SH3PXD2A: variants seen among roughly 807,000 people sequenced by gnomAD.
SH3PXD2A encodes SH3 and PX domains 2A.
A neutral mutation model predicts 115.2 loss-of-function variants in SH3PXD2A; 32 were observed. The ratio of observed to expected loss-of-function variants is 0.28; its 90% CI spans 0.21 to 0.37. The LOEUF (loss-of-function observed/expected upper bound fraction) is 0.37. Ranked by LOEUF, SH3PXD2A falls within the 10% of genes least tolerant of loss-of-function variation. The pLI is 1.00. For synonymous variants in SH3PXD2A, 610 were observed against 629.1 expected, an observed-to-expected ratio of 0.97 and a Z score of 0.45; for missense variants, 1,328 against 1,498.7, an observed-to-expected ratio of 0.89 and a Z score of 1.88.
rs779355375 is a variant in SH3PXD2A at position 103,595,853 on chromosome 10, C to T, written c.*5963G>A. Reference sequence around the variant, plus strand: ...CCCAGTCTGTAAGCACCAGTGTGCCCACCTTATGGCCTGGGGACCCAGGTT... The same window carrying T: ...CCCAGTCTGTAAGCACCAGTGTGCCTACCTTATGGCCTGGGGACCCAGGTT... On this transcript the variant is annotated 3_prime_UTR_variant, in exon 15 of 15. Coordinates refer to ENST00000369774, the MANE Select transcript of SH3PXD2A (RefSeq NM_001394015.1). The T allele has an allele frequency of 6.6e-6, 1 of 152,628 alleles. No individual in the cohort carries two copies. Among genetic ancestry groups the T allele is most frequent in the Non-Finnish European group, 1.5e-5 (1 of 68,056 alleles). The allele number at this position is 152,628 out of a possible 1,614,324, so 9.5% of individuals were successfully genotyped here.
chr10:103,769,434 T>TTTCTTC lies in SH3PXD2A; in HGVS notation c.154-2271_154-2266dup, dbSNP rs71476606. On this transcript the variant is annotated intron_variant, in intron 2 of 14. Coordinates refer to ENST00000369774, the MANE Select transcript of SH3PXD2A (RefSeq NM_001394015.1). The stretch of plus-strand genomic sequence containing the variant: ...GCTGGCTCATGATTTTTTCTTTTTC[T>TTTCTTC]TTCTTCTTCTTCTTCTTTTTTTTTT... Among the ~76,000 whole-genome samples, 25 of 139,896 alleles carry TTTCTTC rather than the reference T, an allele frequency of 1.8e-4. 1 individual carries two copies. The highest frequency in any genetic ancestry group is 6.9e-4 in the African/African-American group (24 of 34,966). The allele number at this position is 139,896 out of a possible 152,430, so 91.8% of individuals were successfully genotyped here. A position where few individuals can be genotyped will look rare whatever the true frequency, so the allele number is the denominator to read the frequency against.
At chr10:103,654,912 A>G (rs2037186398) in intron 8 of SH3PXD2A, among the ~76,000 whole-genome samples, 1 of 152,192 alleles carries the variant, frequency 6.6e-6, no homozygotes, top group African/African-American at 2.4e-5. Context: ...GCTATCCTGC[A>G]GTCTCCTTCT....
chr10:103,785,576 C>A (rs1458183035), intron 2 of SH3PXD2A, among the ~76,000 whole-genome samples: 3 of 152,106 alleles, frequency 2.0e-5, no homozygotes, highest in African/African-American at 4.8e-5. Context: ...CAATGGCTGG[C>A]CATCACGGCT....
rs968059120 is a variant in SH3PXD2A, at chr10:103,678,037, G to C, written c.428-9385C>G. ...ACACCCTGAAGGGCGTTGGCTCCCAGCATCTGCTTTAATGCCCTTCAAAGA... is the reference window on the plus strand; with the variant it reads ...ACACCCTGAAGGGCGTTGGCTCCCACCATCTGCTTTAATGCCCTTCAAAGA... On this transcript the variant is annotated intron_variant, in intron 6 of 14. Coordinates refer to ENST00000369774, the MANE Select transcript of SH3PXD2A (RefSeq NM_001394015.1). 4 of 1,024,478 alleles carry C rather than the reference G, an allele frequency of 3.9e-6. No homozygotes were observed. In the East Asian group the frequency reaches 2.4e-4, roughly 61 times the overall value. 63.5% of individuals were successfully genotyped at this position (1,024,478 alleles called of 1,614,324 possible). A position where few individuals can be genotyped will look rare whatever the true frequency, so the allele number is the denominator to read the frequency against.
chr10:103,617,984 C>T (rs2036545369), intron 10 of SH3PXD2A, among the ~76,000 whole-genome samples: 1 of 152,210 alleles, frequency 6.6e-6, no homozygotes, highest in South Asian at 2.1e-4. Context: ...GTTCGATGGC[C>T]AAATGAGCTT....
intron 2 of SH3PXD2A, among the ~76,000 whole-genome samples, chr10:103,782,782 A>G (rs1055319785): frequency 9.1e-5 from 13 of 143,016 alleles, no homozygotes; most frequent in Non-Finnish European, 1.5e-4. Flanking sequence ...GGATGGCTTG[A>G]GCCCAGGAGT....
intron 1 of SH3PXD2A, among the ~76,000 whole-genome samples, chr10:103,828,985 T>G (rs2039460086): frequency 6.6e-6 from 1 of 152,218 alleles, no homozygotes; most frequent in Non-Finnish European, 1.5e-5. Flanking sequence ...CAGCTCAAGC[T>G]GTCTTGATGG....
At position 103,713,154 on chromosome 10, in the gene SH3PXD2A, C is replaced by T. The variant is rs116493056; in HGVS notation, c.398+11116G>A. On this transcript the variant is annotated intron_variant, in intron 5 of 14. Transcript: ENST00000369774. ...CTTCAAAGTGACCCAAAGTTACAGA[C>T]GTGCCCAAACTCCAACCACCCTCAA... Among the ~76,000 whole-genome samples the T allele has an allele frequency of 4.5e-3, 691 of 152,270 alleles. 7 individuals are homozygous for T. Among genetic ancestry groups the T allele is most frequent in the African/African-American group, 0.016 (666 of 41,548 alleles).
At chr10:103,713,882 C>G (rs2038073834) in intron 5 of SH3PXD2A, among the ~76,000 whole-genome samples, 2 of 152,222 alleles carry the variant, frequency 1.3e-5, no homozygotes, top group Admixed American at 6.5e-5. Flanking sequence ...AGGCCCATGC[C>G]ATGCTATCCT....
At chr10:103,622,660 G>A in intron 9 of SH3PXD2A, 107 bp from the exon 10 acceptor site, 1 of 668,980 alleles carries the variant, frequency 1.5e-6, no homozygotes, top group Non-Finnish European at 2.7e-6. Context: ...ACAGGGAGGG[G>A]AGGCCCACAC....
chr10:103,787,205 A>G (rs1415024653), intron 2 of SH3PXD2A, among the ~76,000 whole-genome samples: 1 of 152,226 alleles, frequency 6.6e-6, no homozygotes, highest in African/African-American at 2.4e-5. Context: ...CCCAGATCAC[A>G]GGTGATTCTG....
intron 8 of SH3PXD2A, among the ~76,000 whole-genome samples, chr10:103,634,915 A>C (rs566182722): frequency 6.6e-6 from 1 of 152,294 alleles, no homozygotes; most frequent in South Asian, 2.1e-4. Context: ...TGAGGGGAAT[A>C]AAGGAGACAC....
At chr10:103,733,536 G>A (rs1383571190) in intron 4 of SH3PXD2A, among the ~76,000 whole-genome samples, 2 of 152,242 alleles carry the variant, frequency 1.3e-5, no homozygotes, top group Non-Finnish European at 2.9e-5. Flanking sequence ...GTGAATGCCT[G>A]TTAAAGAGAA....
rs952399284 is a variant in SH3PXD2A at position 103,596,428 on chromosome 10, T to C, written c.*5388A>G. On this transcript the variant is annotated 3_prime_UTR_variant, in exon 15 of 15. Transcript: ENST00000369774. ...CCAACTAAATACTTAATAAAATAAT[T>C]ACAAAAAGAAAAAAAAATGACACAT... 3.4e-5 allele frequency: 5 copies of C among 148,518 alleles called. No homozygotes were observed. The highest frequency in any genetic ancestry group is 1.2e-4 in the African/African-American group (5 of 40,144). The allele number at this position is 148,518 out of a possible 1,614,324, so 9.2% of individuals were successfully genotyped here. A position where few individuals can be genotyped will look rare whatever the true frequency, so the allele number is the denominator to read the frequency against.
chr10:103,638,380 C>T (rs2036898577), intron 8 of SH3PXD2A, among the ~76,000 whole-genome samples: 2 of 152,272 alleles, frequency 1.3e-5, no homozygotes, highest in Admixed American at 1.3e-4. Flanking sequence ...ACCGAACAGG[C>T]CCAGAAGCCA....
intron 8 of SH3PXD2A, among the ~76,000 whole-genome samples, chr10:103,634,273 G>A (rs1335557154): frequency 2.0e-5 from 3 of 152,202 alleles, no homozygotes; most frequent in Admixed American, 1.3e-4. Context: ...GAGGCCTTTG[G>A]AGCCAAGGAG....
At chr10:103,789,643 A>G (rs1343079024) in intron 2 of SH3PXD2A, among the ~76,000 whole-genome samples, 1 of 152,304 alleles carries the variant, frequency 6.6e-6, no homozygotes, top group East Asian at 1.9e-4. Flanking sequence ...CACTTTCCAG[A>G]CAACTTTCCT....
intron 1 of SH3PXD2A, among the ~76,000 whole-genome samples, chr10:103,805,640 C>T (rs772519237): frequency 7.2e-5 from 11 of 152,236 alleles, no homozygotes; most frequent in Non-Finnish European, 1.6e-4. Context: ...CCTGTAATCC[C>T]AGCACTTTGG....
chr10:103,645,844 C>T (rs766667882), intron 8 of SH3PXD2A, among the ~76,000 whole-genome samples: 3 of 152,214 alleles, frequency 2.0e-5, no homozygotes, highest in African/African-American at 2.4e-5. Flanking sequence ...TCCCAGAGGA[C>T]AGTGGGGAGA....
Sources: allele counts gnomAD v4.1 joint callset (sites outside exome capture counted in the v4.1 genomes callset), GRCh38; gene constraint gnomAD v4.1.1; transcripts MANE v1.5; gene names NCBI Gene and HGNC (gene_info 2026-07-23, HGNC 2026-07-21).